The following LIMCH1 variants were observed in gnomAD, a reference collection of about 807,000 sequenced individuals.
The protein encoded by LIMCH1 is LIM and calponin homology domains-containing protein 1.
In LIMCH1, 113 loss-of-function variants were observed where a neutral mutation model predicts 176.5. The ratio of observed to expected loss-of-function variants is 0.64; its 90% confidence interval spans 0.55 to 0.75. The LOEUF (loss-of-function observed/expected upper bound fraction) is 0.75. Among genes scored for constraint, LIMCH1 ranks in the 30% least tolerant of loss-of-function variants. The pLI is 0.00. For missense variants in LIMCH1, 1,674 were observed against 1,814.9 expected, an observed-to-expected ratio of 0.92 and a Z score of 1.41; for synonymous variants, 619 against 645.9, an observed-to-expected ratio of 0.96 and a Z score of 0.63.
At position 41,599,194 on chromosome 4, in the gene LIMCH1, G is replaced by C. The variant is rs905817724; in HGVS notation, c.-134+168G>C. ...AACAACTCACATTGACTTTCCCTCT[G>C]TGCATAGCTTTCATTCTGATCAAAC... On this transcript the variant is annotated intron_variant, in intron 2 of 31. Transcript: ENST00000503057. 4 of 539,166 alleles carry C rather than the reference G, an allele frequency of 7.4e-6. No homozygotes were observed. The African/African-American group carries it at 7.6e-5, about 10-fold the overall frequency. 33.4% of individuals were successfully genotyped at this position (539,166 alleles called of 1,614,324 possible).
chr4:41,509,805 C>G (rs1369850602), intron 2 of LIMCH1, among the ~76,000 whole-genome samples: 1 of 152,130 alleles, frequency 6.6e-6, no homozygotes, highest in Non-Finnish European at 1.5e-5. Flanking sequence ...TGAATCCTCA[C>G]CAAATAAATA....
intron 1 of LIMCH1, among the ~76,000 whole-genome samples, chr4:41,454,882 C>T (rs2064348551): frequency 6.6e-6 from 1 of 151,330 alleles, no homozygotes; most frequent in Non-Finnish European, 1.5e-5. Context: ...GCATTAAATG[C>T]TTTGATGGCA....
chr4:41,382,551 A>G (rs1476522184), intron 1 of LIMCH1, among the ~76,000 whole-genome samples: 2 of 152,138 alleles, frequency 1.3e-5, no homozygotes, highest in East Asian at 3.9e-4. Flanking sequence ...GGCCTGAATT[A>G]GGGAATTAGG....
chr4:41,687,360 G>T (rs1721678067), intron 28 of LIMCH1, among the ~76,000 whole-genome samples: 1 of 152,110 alleles, frequency 6.6e-6, no homozygotes, highest in Admixed American at 6.5e-5. Flanking sequence ...TTGTTGATAA[G>T]GGAAGTCACT....
At chr4:41,615,308 G>C (rs959737302) in intron 5 of LIMCH1, among the ~76,000 whole-genome samples, 1 of 152,068 alleles carries the variant, frequency 6.6e-6, no homozygotes, top group African/African-American at 2.4e-5. Flanking sequence ...AGCTTTGGGG[G>C]GTTCAGAGTT....
chr4:41,586,436 T>C (rs1354924464), intron 1 of LIMCH1, among the ~76,000 whole-genome samples: 1 of 152,134 alleles, frequency 6.6e-6, no homozygotes, highest in Non-Finnish European at 1.5e-5. Context: ...ATTTTGCAGT[T>C]ATTTCATCAT....
chr4:41,480,622 A>G (rs1321328676), intron 1 of LIMCH1, among the ~76,000 whole-genome samples: 1 of 152,130 alleles, frequency 6.6e-6, no homozygotes, highest in Admixed American at 6.6e-5. Flanking sequence ...GCCAACAACT[A>G]AAATGTTTAT....
intron 1 of LIMCH1, among the ~76,000 whole-genome samples, chr4:41,364,676 A>G (rs558016359): frequency 1.4e-4 from 22 of 152,208 alleles, no homozygotes; most frequent in Non-Finnish European, 2.6e-4. Flanking sequence ...TGTAAGTTTA[A>G]TGTATAATCT....
intron 1 of LIMCH1, among the ~76,000 whole-genome samples, chr4:41,408,849 A>G (rs1443495207): frequency 2.0e-5 from 3 of 152,200 alleles, no homozygotes; most frequent in African/African-American, 7.2e-5. Context: ...ATTGGCCCCA[A>G]CAAACTATTG....
intron 1 of LIMCH1, among the ~76,000 whole-genome samples, chr4:41,566,217 G>A (rs898340569): frequency 3.3e-5 from 5 of 152,104 alleles, no homozygotes; most frequent in African/African-American, 1.2e-4. Flanking sequence ...CCAGACTCTT[G>A]TTAATGTTGA....
At chr4:41,500,975 G>A (rs558895621) in intron 2 of LIMCH1, among the ~76,000 whole-genome samples, 1 of 152,202 alleles carries the variant, frequency 6.6e-6, no homozygotes, top group South Asian at 2.1e-4. Context: ...GCAGAAGAGA[G>A]AAAAAACTAG....
Position 41,627,020 on chromosome 4 carries a change from G to GT in LIMCH1, c.1028+11dup. ...GTCTAGAATATAAAAGGTGTGCATGGTGTGTGTGTGTGTGTGTGTGTGTGT... is the reference window on the plus strand; with the variant it reads ...GTCTAGAATATAAAAGGTGTGCATGGTTGTGTGTGTGTGTGTGTGTGTGTGT... On this transcript the variant is annotated intron_variant, in intron 8 of 31. Transcript: ENST00000503057. The GT allele has an allele frequency of 2.9e-6, 2 of 696,316 alleles. No homozygotes were observed. Among genetic ancestry groups the GT allele is most frequent in the Non-Finnish European group, 1.8e-6 (1 of 550,632 alleles). 43.1% of individuals were successfully genotyped at this position (696,316 alleles called of 1,614,324 possible). A position where few individuals can be genotyped will look rare whatever the true frequency, so the allele number is the denominator to read the frequency against.
chr4:41,633,409 C>G (rs978017691), intron 12 of LIMCH1, 139 bp from the exon 13 acceptor site: 1 of 1,012,796 alleles, frequency 9.9e-7, no homozygotes, highest in Non-Finnish European at 1.4e-6. Context: ...AGGGAGATTT[C>G]CTGCTCAGCT....
chr4:41,389,869 G>A (rs1214476105), intron 1 of LIMCH1, among the ~76,000 whole-genome samples: 2 of 152,102 alleles, frequency 1.3e-5, no homozygotes, highest in African/African-American at 2.4e-5. Context: ...CAAGACAGAC[G>A]TAGTCAATAG....
Position 41,692,267 on chromosome 4 carries a change from CT to C in LIMCH1, c.4276-10del. ...CCTTATGCATCTTATGATGTCTGTT[CT>C]TTTTACCCTATAGTGTGGAATTTGT... On this transcript the variant is annotated splice_polypyrimidine_tract_variant and intron_variant, in intron 30 of 31. Coordinates refer to ENST00000503057, the MANE Select transcript of LIMCH1 (RefSeq NM_001330672.2). 6.6e-7 allele frequency: 1 copy of C among 1,504,920 alleles called. No individual in the cohort carries two copies. The highest frequency in any genetic ancestry group is 9.3e-7 in the Non-Finnish European group (1 of 1,080,642). The allele number at this position is 1,504,920 out of a possible 1,614,324, so 93.2% of individuals were successfully genotyped here.
intron 2 of LIMCH1, among the ~76,000 whole-genome samples, chr4:41,523,786 T>C (rs1179700846): frequency 6.6e-6 from 1 of 152,262 alleles, no homozygotes; most frequent in Non-Finnish European, 1.5e-5. Context: ...TTTCAATCTT[T>C]AGCTGAAAAT....
intron 1 of LIMCH1, among the ~76,000 whole-genome samples, chr4:41,390,269 A>AGAGAGAGAGAGAGAGAGAGAGAGC (rs760332127): frequency 6.6e-6 from 1 of 150,422 alleles, no homozygotes; most frequent in African/African-American, 2.5e-5. Context: ...AGAGAGAGAG[A>AGAGAGAGAGAGAGAGAGAGAGAGC]GAGAGCGAGA....
intron 1 of LIMCH1, among the ~76,000 whole-genome samples, chr4:41,581,034 T>C (rs188658924): frequency 1.2e-3 from 188 of 152,250 alleles, no homozygotes; most frequent in South Asian, 7.7e-3. Flanking sequence ...TCAAAAGGAT[T>C]CCAGAGCCAG....
chr4:41,534,203 A>T (rs879521454), upstream of LIMCH1, among the ~76,000 whole-genome samples: 1 of 152,174 alleles, frequency 6.6e-6, no homozygotes, highest in Non-Finnish European at 1.5e-5. Flanking sequence ...GTGGGATTAG[A>T]GATGAGGAGA....
Sources: gnomAD v4.1 joint callset for allele counts (sites outside exome capture counted in the v4.1 genomes callset) on GRCh38, gnomAD v4.1.1 for gene constraint, MANE v1.5 for transcripts, NCBI Gene and HGNC (gene_info 2026-07-23, HGNC 2026-07-21) for gene names.